The following ZC3H12B variants were observed in gnomAD, a reference collection of about 807,000 sequenced individuals.
ZC3H12B encodes the protein probable ribonuclease ZC3H12B.
Under a neutral mutation model 43.9 loss-of-function variants are expected in ZC3H12B, and 7 were observed. That is an observed-to-expected ratio of 0.16 (90% CI 0.09 to 0.30). The LOEUF (loss-of-function observed/expected upper bound fraction) is 0.30, where lower values mean the gene tolerates loss of function less well. Ranked by LOEUF, ZC3H12B falls within the 10% of genes least tolerant of loss-of-function variation. The pLI, the probability that ZC3H12B is intolerant of heterozygous loss-of-function variation, is 1.00. For missense variants in ZC3H12B, 475 were observed against 670.2 expected (o/e 0.71, Z 3.22); for synonymous variants, 222 against 241.7 (o/e 0.92, Z 0.76).
At chrX:65,104,468 G>C in the ZC3H12B span, among the ~76,000 whole-genome samples, 1 of 111,680 alleles carries the variant, frequency 9.0e-6, no homozygotes, top group Non-Finnish European at 1.9e-5. Context: ...TCATCAGAGT[G>C]ACCAGACAAC....
At chrX:65,312,893 GTTT>G in the ZC3H12B span, among the ~76,000 whole-genome samples, 4 of 111,145 alleles carry the variant, frequency 3.6e-5, no homozygotes, top group Admixed American at 9.6e-5. Flanking sequence ...TTTTTTGTTT[GTTT>G]TTTGAGACAG....
chrX:65,129,751 C>A, the ZC3H12B span, among the ~76,000 whole-genome samples: 1 of 109,647 alleles, frequency 9.1e-6, no homozygotes, highest in Non-Finnish European at 1.9e-5. Flanking sequence ...GTTGGGGCAG[C>A]AAAAATTTTG....
the ZC3H12B span, among the ~76,000 whole-genome samples, chrX:65,356,038 A>T: frequency 2.7e-5 from 3 of 112,296 alleles, no homozygotes; most frequent in East Asian, 8.3e-4. Flanking sequence ...CATATCTTAA[A>T]TATCTAAAAC....
At chrX:65,157,696 A>G in the ZC3H12B span, among the ~76,000 whole-genome samples, 69 of 111,582 alleles carry the variant, frequency 6.2e-4, 1 homozygote, top group East Asian at 0.019. Flanking sequence ...TTACTAATAT[A>G]TTTGAATTTA....
the ZC3H12B span, among the ~76,000 whole-genome samples, chrX:65,118,414 T>C: frequency 8.9e-6 from 1 of 111,981 alleles, no homozygotes; most frequent in Non-Finnish European, 1.9e-5. Flanking sequence ...ATTGATTTTG[T>C]ATCCTGAGAC....
chrX:65,065,168 A>G, the ZC3H12B span, among the ~76,000 whole-genome samples: 1 of 110,433 alleles, frequency 9.1e-6, no homozygotes, highest in East Asian at 2.8e-4. Flanking sequence ...TTTTGTTTGA[A>G]TTGGATCCTG....
the ZC3H12B span, among the ~76,000 whole-genome samples, chrX:65,166,273 C>G: frequency 2.7e-5 from 3 of 111,084 alleles, no homozygotes; most frequent in Non-Finnish European, 5.7e-5. Flanking sequence ...TAATTCCAAC[C>G]TATGAGTGAG....
chrX:65,278,676 G>T, the ZC3H12B span, among the ~76,000 whole-genome samples: 15,896 of 110,758 alleles, frequency 0.14, 2,730 homozygotes, highest in African/African-American at 0.49. Context: ...TTTAGCTTCA[G>T]GGATTCATGT....
the ZC3H12B span, among the ~76,000 whole-genome samples, chrX:65,250,399 A>T: frequency 8.9e-6 from 1 of 111,877 alleles, no homozygotes; most frequent in Non-Finnish European, 1.9e-5. Context: ...ATAAACATAC[A>T]TGTGCATGGG....
chrX:65,343,802 A>G, the ZC3H12B span, among the ~76,000 whole-genome samples: 28 of 111,794 alleles, frequency 2.5e-4, no homozygotes, highest in African/African-American at 9.1e-4. Context: ...CCTATTCAGC[A>G]TAGTATTGGA....
At chrX:65,357,124 G>A in the ZC3H12B span, 1 of 494,743 alleles carries the variant, frequency 2.0e-6, no homozygotes, top group South Asian at 2.6e-5. Context: ...GAGTATATTT[G>A]ACTTCACATG....
At chrX:65,464,542 G>T (rs1383310795) in intron 3 of ZC3H12B, among the ~76,000 whole-genome samples, 1 of 109,826 alleles carries the variant, frequency 9.1e-6, no homozygotes, top group Non-Finnish European at 1.9e-5. Flanking sequence ...GCCAAGGTTT[G>T]TCAATTTTAT....
At chrX:65,115,220 G>C in the ZC3H12B span, among the ~76,000 whole-genome samples, 2 of 106,679 alleles carry the variant, frequency 1.9e-5, 1 homozygote, top group Admixed American at 2.0e-4. Flanking sequence ...CCTTTTACCC[G>C]AGTCCCCAAA....
At chrX:65,145,681 G>A in the ZC3H12B span, among the ~76,000 whole-genome samples, 3 of 111,518 alleles carry the variant, frequency 2.7e-5, no homozygotes, top group Non-Finnish European at 3.8e-5. Flanking sequence ...TGGTTTGGTA[G>A]TGCTGAATTC....
the ZC3H12B span, among the ~76,000 whole-genome samples, chrX:65,256,039 A>T: frequency 8.9e-6 from 1 of 112,433 alleles, no homozygotes. Context: ...TCATGAAACA[A>T]GTTCTCAGAA....
chrX:65,159,359 A>C, the ZC3H12B span, among the ~76,000 whole-genome samples: 1 of 111,793 alleles, frequency 8.9e-6, no homozygotes, highest in Non-Finnish European at 1.9e-5. Context: ...TACCTTGGGC[A>C]GTATGGCCGT....
chrX:65,072,342 A>C, the ZC3H12B span, among the ~76,000 whole-genome samples: 7 of 112,207 alleles, frequency 6.2e-5, no homozygotes, highest in African/African-American at 2.3e-4. Flanking sequence ...TTTGCCTATC[A>C]GTTTCTGTAA....
At chrX:65,137,994 A>C in the ZC3H12B span, among the ~76,000 whole-genome samples, 197 of 111,362 alleles carry the variant, frequency 1.8e-3, 1 homozygote, top group African/African-American at 6.4e-3. Flanking sequence ...ATGCCCAGCT[A>C]GTTTTTGTAT....
At chrX:65,371,548 G>A (rs1252724476) in intron 2 of ZC3H12B, among the ~76,000 whole-genome samples, 1 of 111,694 alleles carries the variant, frequency 9.0e-6, no homozygotes, top group African/African-American at 3.2e-5. Context: ...TATGCTAAAA[G>A]TATGAACAGG....
Sources: allele counts gnomAD v4.1 joint callset (sites outside exome capture counted in the v4.1 genomes callset), GRCh38; gene constraint gnomAD v4.1.1; transcripts MANE v1.5; gene names NCBI Gene and HGNC (gene_info 2026-07-23, HGNC 2026-07-21).